The following ADGRB3 variants were observed in gnomAD, a reference collection of about 807,000 sequenced individuals.
ADGRB3 encodes the protein brain-specific angiogenesis inhibitor 3.
Under a neutral mutation model 193.4 loss-of-function variants are expected in ADGRB3, and 37 were observed. The observed-to-expected ratio is 0.19, with a 90% CI of 0.15 to 0.25. The LOEUF (loss-of-function observed/expected upper bound fraction) is 0.25, where lower values mean the gene tolerates loss of function less well. Among genes scored for constraint, ADGRB3 ranks in the 10% least tolerant of loss-of-function variants. The probability of loss-of-function intolerance (pLI) is 1.00; values close to 1 mark genes in which losing one functional copy is unlikely to be tolerated. For synonymous variants in ADGRB3, 690 were observed against 644.2 expected, an observed-to-expected ratio of 1.07 and a Z score of -1.08; for missense variants, 1,637 against 1,852.9, an observed-to-expected ratio of 0.88 and a Z score of 2.14.
chr6:69,015,403 T>C (rs1000668360), intron 12 of ADGRB3, among the ~76,000 whole-genome samples: 1 of 151,976 alleles, frequency 6.6e-6, no homozygotes, highest in Admixed American at 6.6e-5. Flanking sequence ...TTAAAATATT[T>C]TTTCCAATAA....
intron 3 of ADGRB3, among the ~76,000 whole-genome samples, chr6:68,732,963 A>G (rs190856567): frequency 3.8e-4 from 57 of 151,900 alleles, no homozygotes; most frequent in African/African-American, 1.2e-3. Context: ...TTTTATTTCT[A>G]ATGTCATCCA....
intron 3 of ADGRB3, among the ~76,000 whole-genome samples, chr6:68,695,501 A>T (rs896454633): frequency 5.9e-5 from 9 of 152,050 alleles, no homozygotes; most frequent in African/African-American, 2.2e-4. Flanking sequence ...CTCTTATGCT[A>T]GTGTTTGCTT....
intron 3 of ADGRB3, among the ~76,000 whole-genome samples, chr6:68,732,965 T>A (rs1765800375): frequency 6.6e-6 from 1 of 151,834 alleles, no homozygotes; most frequent in South Asian, 2.1e-4. Flanking sequence ...TTATTTCTAA[T>A]GTCATCCAGC....
chr6:68,981,293 A>G (rs969725032), intron 10 of ADGRB3, among the ~76,000 whole-genome samples: 2 of 151,660 alleles, frequency 1.3e-5, no homozygotes, highest in Admixed American at 1.3e-4. Flanking sequence ...CTCCACAGTT[A>G]TGGAGTTTTT....
At chr6:68,657,123 T>C (rs1768508254) in intron 3 of ADGRB3, among the ~76,000 whole-genome samples, 1 of 151,372 alleles carries the variant, frequency 6.6e-6, no homozygotes, top group African/African-American at 2.4e-5. Context: ...CTTACATCAA[T>C]CAGACAAGCA....
rs549582262 is a variant in ADGRB3 at position 68,865,236 on chromosome 6, TAA to T, written c.758-65322_758-65321del. ...CTATCCCCCATTAATATTTTGGATA[TAA>T]TATACATTTTTTTTCTGTGATTTTG... On this transcript the variant is annotated intron_variant, in intron 3 of 31. Coordinates refer to ENST00000370598, the MANE Select transcript of ADGRB3 (RefSeq NM_001704.3). 2.4e-3 allele frequency among the ~76,000 whole-genome samples: 248 copies of T among 105,268 alleles called. 3 individuals are homozygous for T. Among genetic ancestry groups the T allele is most frequent in the African/African-American group, 6.4e-3 (240 of 37,488 alleles). 69.1% of individuals were successfully genotyped at this position (105,268 alleles called of 152,430 possible). A position where few individuals can be genotyped will look rare whatever the true frequency, so the allele number is the denominator to read the frequency against.
chr6:69,109,337 TG>T (rs1773303238), intron 17 of ADGRB3, among the ~76,000 whole-genome samples: 2 of 152,306 alleles, frequency 1.3e-5, no homozygotes, highest in South Asian at 4.1e-4. Context: ...TCAGTTGTCC[TG>T]GGGCAATGAG....
intron 11 of ADGRB3, among the ~76,000 whole-genome samples, chr6:69,008,899 A>C (rs376864242): frequency 6.6e-6 from 1 of 152,178 alleles, no homozygotes; most frequent in Non-Finnish European, 1.5e-5. Flanking sequence ...ATCTGTAAAA[A>C]TAAGTGTCAT....
At position 69,295,026 on chromosome 6, in the gene ADGRB3, C is replaced by G. The variant is rs556674075; in HGVS notation, c.2815-29846C>G. On this transcript the variant is annotated intron_variant, in intron 20 of 31. Transcript: ENST00000370598. ...TGTTTCTGTGCCTTTGCTTATAACT[C>G]TCTCTCACTGCAGCAAGCCTGCTCT... Among the ~76,000 whole-genome samples, 82 of 152,182 alleles carry G rather than the reference C, an allele frequency of 5.4e-4. No individual in the cohort carries two copies. In the South Asian group the frequency reaches 0.016, roughly 30 times the overall value.
chr6:68,918,790 C>G (rs1293666580), intron 3 of ADGRB3, among the ~76,000 whole-genome samples: 1 of 152,078 alleles, frequency 6.6e-6, no homozygotes, highest in Non-Finnish European at 1.5e-5. Context: ...CAACATGAAA[C>G]CAAGCTTTTT....
chr6:69,375,225 C>T (rs942438979), intron 30 of ADGRB3, among the ~76,000 whole-genome samples: 5 of 152,010 alleles, frequency 3.3e-5, no homozygotes, highest in African/African-American at 1.2e-4. Context: ...TGTTTCAGCA[C>T]AGAATGATTT....
At chr6:68,850,193 C>T (rs1425947601) in intron 3 of ADGRB3, among the ~76,000 whole-genome samples, 10 of 151,624 alleles carry the variant, frequency 6.6e-5, no homozygotes, top group Non-Finnish European at 1.3e-4. Flanking sequence ...TTCATTTTAC[C>T]ATGGATTCTC....
At chr6:69,318,026 T>A (rs555080853) in intron 20 of ADGRB3, among the ~76,000 whole-genome samples, 3 of 151,472 alleles carry the variant, frequency 2.0e-5, no homozygotes, top group African/African-American at 7.3e-5. Flanking sequence ...GATTTTCTAA[T>A]AAGGAGATAT....
intron 20 of ADGRB3, among the ~76,000 whole-genome samples, chr6:69,248,858 C>T (rs758129707): frequency 2.9e-4 from 44 of 152,330 alleles, no homozygotes; most frequent in Non-Finnish European, 5.7e-4. Flanking sequence ...CCAGTTCTGA[C>T]GTGTCTACCC....
rs951314395 is a variant in ADGRB3, at chr6:68,767,285, C to A, written c.757+127853C>A. Among the ~76,000 whole-genome samples the A allele has an allele frequency of 4.0e-5, 6 of 151,792 alleles. No individual in the cohort carries two copies. In the East Asian group the frequency reaches 1.2e-3, roughly 30 times the overall value. On this transcript the variant is annotated intron_variant, in intron 3 of 31. Transcript: ENST00000370598. ...GGGATTAAGAGCTACACAATTTTTT[C>A]TTTTAAAATAATACTGGCAAGCCGA...
At chr6:69,122,999 AGTGT>A (rs70987452) in intron 17 of ADGRB3, among the ~76,000 whole-genome samples, 44 of 149,430 alleles carry the variant, frequency 2.9e-4, no homozygotes, top group African/African-American at 4.9e-4. Flanking sequence ...CATACGTGTG[AGTGT>A]GTGTGTGTGT....
chr6:68,700,950 C>A (rs529805283), intron 3 of ADGRB3, among the ~76,000 whole-genome samples: 1 of 151,704 alleles, frequency 6.6e-6, no homozygotes, highest in Non-Finnish European at 1.5e-5. Flanking sequence ...TGCACATGTA[C>A]CCTAGAACTT....
intron 3 of ADGRB3, among the ~76,000 whole-genome samples, chr6:68,907,000 A>G (rs1176096100): frequency 1.3e-5 from 2 of 151,876 alleles, no homozygotes; most frequent in African/African-American, 2.4e-5. Context: ...AGGCAAGTTT[A>G]TTCATCTTTC....
chr6:69,356,140 A>G (rs1769333331), intron 28 of ADGRB3, among the ~76,000 whole-genome samples: 1 of 152,152 alleles, frequency 6.6e-6, no homozygotes, highest in South Asian at 2.1e-4. Flanking sequence ...GTTACTCTTC[A>G]GACACAGGGT....
Sources: gnomAD v4.1 joint callset for allele counts (sites outside exome capture counted in the v4.1 genomes callset) on GRCh38, gnomAD v4.1.1 for gene constraint, MANE v1.5 for transcripts, NCBI Gene and HGNC (gene_info 2026-07-23, HGNC 2026-07-21) for gene names.